The following LYST variants were observed in gnomAD, a reference collection of about 807,000 sequenced individuals.
LYST encodes lysosomal-trafficking regulator.
Under a neutral mutation model 413.6 loss-of-function variants are expected in LYST, and 192 were observed. The ratio of observed to expected loss-of-function variants is 0.46; its 90% confidence interval spans 0.41 to 0.52. The LOEUF (loss-of-function observed/expected upper bound fraction) is 0.52. Among genes scored for constraint, LYST ranks in the 20% least tolerant of loss-of-function variants. The pLI is 0.00. For missense variants in LYST, 3,815 were observed against 4,499.9 expected (o/e 0.85, Z 4.35); for synonymous variants, 1,525 against 1,567.3 (o/e 0.97, Z 0.64).
chr1:235,778,927 C>T (rs1222205647), intron 16 of LYST, among the ~76,000 whole-genome samples: 4 of 151,642 alleles, frequency 2.6e-5, no homozygotes, highest in African/African-American at 7.3e-5. Flanking sequence ...AGTGCAATGG[C>T]GCATTCTCGG....
rs879629562 is a variant in LYST, at chr1:235,730,611, GTGTA to G, written c.9044+232_9044+235del. 0.15 allele frequency among the ~76,000 whole-genome samples: 12,786 copies of G among 85,102 alleles called. 778 individuals carry two copies. Among genetic ancestry groups the G allele is most frequent in the Middle Eastern group, 0.25 (33 of 134 alleles). 55.8% of individuals were successfully genotyped at this position (85,102 alleles called of 152,430 possible). ...TGTGTGTGTGTGTGTGTGTGTGTGT[GTGTA>G]TATGTAAACTAACAAGGGCCAGAAC... On this transcript the variant is annotated intron_variant, in intron 36 of 52. Transcript: ENST00000389793.
At chr1:235,828,855 TA>T (rs1675624745) in intron 3 of LYST, 1 of 741,772 alleles carries the variant, frequency 1.3e-6, no homozygotes, top group Non-Finnish European at 1.6e-6. Context: ...TACAAATATA[TA>T]AAAATTATAT....
rs990820753 is a variant in LYST, at chr1:235,666,605, CAT to C, written c.11039-1986_11039-1985del. 1.1e-3 allele frequency among the ~76,000 whole-genome samples: 148 copies of C among 131,310 alleles called. 1 individual carries two copies. The highest frequency in any genetic ancestry group is 4.3e-3 in the African/African-American group (126 of 28,976). The allele number at this position is 131,310 out of a possible 152,430, so 86.1% of individuals were successfully genotyped here. ...AGACACACATGCACACACACACACACATACACACACACACACACACACACACA... is the reference window on the plus strand; with the variant it reads ...AGACACACATGCACACACACACACACACACACACACACACACACACACACA... On this transcript the variant is annotated intron_variant, in intron 50 of 52. Coordinates refer to ENST00000389793, the MANE Select transcript of LYST (RefSeq NM_000081.4).
At chr1:235,777,371 C>T in intron 16 of LYST, 63 bp from the exon 17 acceptor site, 5 of 1,429,476 alleles carry the variant, frequency 3.5e-6, no homozygotes, top group Non-Finnish European at 4.9e-6. Context: ...TATGAACTAG[C>T]AAGTAAGTAT....
intron 50 of LYST, among the ~76,000 whole-genome samples, chr1:235,673,731 T>C (rs1659157817): frequency 6.6e-6 from 1 of 152,170 alleles, no homozygotes; most frequent in Non-Finnish European, 1.5e-5. Flanking sequence ...TTCCCCGCTA[T>C]CCTCTATTGT....
intron 1 of LYST, among the ~76,000 whole-genome samples, chr1:235,852,214 C>T (rs772895893): frequency 4.6e-5 from 7 of 152,016 alleles, no homozygotes; most frequent in Non-Finnish European, 1.0e-4. Context: ...TAACTACAGA[C>T]CCTACAGAAT....
chr1:235,696,075 T>C (rs1237045592), intron 46 of LYST, among the ~76,000 whole-genome samples: 1 of 152,224 alleles, frequency 6.6e-6, no homozygotes. Flanking sequence ...ATAATTATGA[T>C]TAAACAGTTC....
chr1:235,733,071 G>A (rs1242762098), intron 34 of LYST, among the ~76,000 whole-genome samples: 1 of 151,990 alleles, frequency 6.6e-6, no homozygotes, highest in Non-Finnish European at 1.5e-5. Context: ...TTACTTTAGT[G>A]TCTAATGTTT....
rs756899727 is a variant in LYST at position 235,757,406 on chromosome 1, T to G, written c.6934A>C (p.Ser2312Arg). 6.2e-7 allele frequency: 1 copy of G among 1,613,432 alleles called. No individual in the cohort carries two copies. Among genetic ancestry groups the G allele is most frequent in the Non-Finnish European group, 8.5e-7 (1 of 1,179,570 alleles). Reference protein sequence around the residue: ...PICCGLYELLSGVLLILPDVL... With the variant: ...PICCGLYELLRGVLLILPDVL... ...TCAGGCAGGATAAGAAGAACCCCAC[T>G]TAGGAGTTCATATAATCCACAGCAT... The change falls in exon 24 of 53, where the codon AGT becomes CGT. Residue 2312 changes from serine (S) to arginine (R), a missense_variant. By Grantham distance (110) the Ser-to-Arg change is moderately radical. This residue lies in a region of LYST where 771 missense variants were observed against 837.1 expected (regional missense o/e 0.92). Coordinates refer to ENST00000389793, the MANE Select transcript of LYST (RefSeq NM_000081.4).
chr1:235,820,454 C>T (rs565646693), intron 3 of LYST, among the ~76,000 whole-genome samples: 46 of 152,128 alleles, frequency 3.0e-4, no homozygotes, highest in African/African-American at 1.0e-3. Flanking sequence ...ACTGCAACCT[C>T]CACTGCCCAG....
chr1:235,862,594 G>A (rs771658403), intron 1 of LYST, among the ~76,000 whole-genome samples: 1 of 151,970 alleles, frequency 6.6e-6, no homozygotes. Flanking sequence ...TCAGCAGTTC[G>A]AGACCAGCCT....
intron 3 of LYST, among the ~76,000 whole-genome samples, chr1:235,821,429 T>C (rs895518660): frequency 6.6e-6 from 1 of 152,326 alleles, no homozygotes; most frequent in Admixed American, 6.5e-5. Flanking sequence ...AGAGTCTTTT[T>C]TTCTGAGACC....
At chr1:235,742,766 TG>T (rs139528098) in intron 30 of LYST, among the ~76,000 whole-genome samples, 3,301 of 152,198 alleles carry the variant, frequency 0.022, 120 homozygotes, top group African/African-American at 0.075. Flanking sequence ...ACTTGAATTG[TG>T]CTACATTATT....
At chr1:235,682,740 G>A (rs1659922266) in intron 48 of LYST, among the ~76,000 whole-genome samples, 1 of 152,188 alleles carries the variant, frequency 6.6e-6, no homozygotes. Flanking sequence ...AAAGTAAGCA[G>A]TCAGTAAATA....
intron 46 of LYST, among the ~76,000 whole-genome samples, chr1:235,693,712 G>T (rs1396530687): frequency 6.6e-6 from 1 of 152,078 alleles, no homozygotes; most frequent in Non-Finnish European, 1.5e-5. Context: ...TGTTTTGACT[G>T]GGATTTGTTT....
At chr1:235,845,564 G>T (rs184237667) in intron 1 of LYST, among the ~76,000 whole-genome samples, 1 of 152,132 alleles carries the variant, frequency 6.6e-6, no homozygotes, top group Non-Finnish European at 1.5e-5. Context: ...CTTTTCTTTC[G>T]TAGCTGAGAG....
At chr1:235,821,062 A>G (rs1275680623) in intron 3 of LYST, among the ~76,000 whole-genome samples, 1 of 152,200 alleles carries the variant, frequency 6.6e-6, no homozygotes, top group Non-Finnish European at 1.5e-5. Context: ...TTACCACTAC[A>G]TGTATTTAAA....
At chr1:235,776,270 A>T (rs1164356132) in intron 17 of LYST, among the ~76,000 whole-genome samples, 3 of 152,184 alleles carry the variant, frequency 2.0e-5, no homozygotes, top group Non-Finnish European at 4.4e-5. Flanking sequence ...AATGCTAACA[A>T]AATATTTGTA....
Position 235,774,949 on chromosome 1 carries a change from G to T in LYST, c.5598C>A (p.Ile1866=). 6.2e-7 allele frequency: 1 copy of T among 1,610,096 alleles called. No individual in the cohort carries two copies. Among genetic ancestry groups the T allele is most frequent in the South Asian group, 1.1e-5 (1 of 90,852 alleles). Residue 1866 remains isoleucine (I), a synonymous_variant, in exon 18 of 53, where the codon ATC becomes ATA. Coordinates refer to ENST00000389793, the MANE Select transcript of LYST (RefSeq NM_000081.4). ...NGLSMIHQVL[I]KQKCIVGFYI... Reference sequence around the variant, plus strand: ...AAAACCCAACAATGCATTTTTGTTTGATCAACACCTGATGAATCATAGAAA... The same window carrying T: ...AAAACCCAACAATGCATTTTTGTTTTATCAACACCTGATGAATCATAGAAA...
Sources: gnomAD v4.1 joint callset for allele counts (sites outside exome capture counted in the v4.1 genomes callset) on GRCh38, gnomAD v4.1.1 for gene constraint, gnomAD v4.1.1 regional missense constraint, MANE v1.5 for transcripts, NCBI Gene and HGNC (gene_info 2026-07-23, HGNC 2026-07-21) for gene names.